The following ZNRF3 variants were observed in gnomAD, a reference collection of about 807,000 sequenced individuals.
ZNRF3 encodes zinc and ring finger 3.
A neutral mutation model predicts 72.5 loss-of-function variants in ZNRF3; 23 were observed. The ratio of observed to expected loss-of-function variants is 0.32; its 90% CI spans 0.23 to 0.45. ZNRF3 has a LOEUF of 0.45. ZNRF3 is among the 20% of genes least tolerant of loss of function. The pLI is 1.00. For missense variants in ZNRF3, 1,169 were observed against 1,272.1 expected (o/e 0.92, Z 1.23); for synonymous variants, 610 against 545.3 (o/e 1.12, Z -1.65).
rs567866119 is a variant in ZNRF3 at position 29,050,401 on chromosome 22, C to T, written c.2220C>T (p.Tyr740=). 9 of 1,605,918 alleles carry T rather than the reference C, an allele frequency of 5.6e-6. No homozygotes were observed. In the Admixed American group the frequency reaches 8.4e-5, roughly 15 times the overall value. ...SSTLFLGPHL[Y]EGSGPAGGEP... ...CCTTGTTCCTGGGGCCCCACCTCTA[C>T]GAGGGCTCTGGCCCGGCGGGTGGGG... Residue 740 remains tyrosine (Y), a synonymous_variant, in exon 8 of 9, where the codon TAC becomes TAT. Transcript: ENST00000544604.
At chr22:28,982,421 G>C (rs1214084560) in intron 1 of ZNRF3, among the ~76,000 whole-genome samples, 1 of 118,052 alleles carries the variant, frequency 8.5e-6, no homozygotes, top group South Asian at 2.9e-4. Context: ...GACATTGTGA[G>C]ACCTGTCTCT....
Position 29,044,818 on chromosome 22 carries a change from T to G in ZNRF3, c.672T>G (p.Ala224=), listed in dbSNP as rs1414493657. Residue 224 remains alanine, a synonymous_variant, in exon 5 of 9, where the codon GCT becomes GCG. Transcript: ENST00000544604. The part of the protein sequence containing the change: ...TEYFDMGIFL[A]FFVVVSLVCL... ...ACTTTGACATGGGGATTTTCCTGGC[T>G]TTCTTCGTCGTGGTCTCCTTGGTCT... The G allele has an allele frequency of 6.2e-7, 1 of 1,614,186 alleles. No homozygotes were observed. Among genetic ancestry groups the G allele is most frequent in the Non-Finnish European group, 8.5e-7 (1 of 1,180,030 alleles).
intron 2 of ZNRF3, among the ~76,000 whole-genome samples, chr22:29,035,840 A>G (rs2036856872): frequency 6.6e-6 from 1 of 152,146 alleles, no homozygotes; most frequent in South Asian, 2.1e-4. Flanking sequence ...TTGGCCTCCC[A>G]AAGTGCTCGG....
chr22:29,034,220 T>G (rs2036820642), intron 2 of ZNRF3, among the ~76,000 whole-genome samples: 1 of 152,240 alleles, frequency 6.6e-6, no homozygotes, highest in South Asian at 2.1e-4. Context: ...GGATTGTGTC[T>G]TCCTTGGGAT....
chr22:29,016,058 G>C lies in ZNRF3; in HGVS notation c.427-26437G>C, dbSNP rs2036430257. Among the ~76,000 whole-genome samples, 3 of 150,622 alleles carry C rather than the reference G, an allele frequency of 2.0e-5. No individual in the cohort carries two copies. The South Asian group carries it at 6.3e-4, about 32-fold the overall frequency. On this transcript the variant is annotated intron_variant, in intron 2 of 8. Transcript: ENST00000544604. Reference sequence around the variant, plus strand: ...AAAAACTGAAACTGGCTTGGCTGATGAAAGTTGTATCTTATACTGTGAACT... The same window carrying C: ...AAAAACTGAAACTGGCTTGGCTGATCAAAGTTGTATCTTATACTGTGAACT...
chr22:29,050,281 C>G lies in ZNRF3; in HGVS notation c.2100C>G (p.Thr700=). 2 of 1,597,782 alleles carry G rather than the reference C, an allele frequency of 1.3e-6. No homozygotes were observed. Among genetic ancestry groups the G allele is most frequent in the South Asian group, 1.1e-5 (1 of 90,976 alleles). The change falls in exon 8 of 9, where the codon ACC becomes ACG. Residue 700 remains threonine, a synonymous_variant. Transcript: ENST00000544604. ...GGGCCGCCCCTGACCTCAGGAGGAC[C>G]TGGAAGGGGGGCCACGAGTTGCCGT... The part of the protein sequence containing the change: ...SPGAAPDLRR[T]WKGGHELPSC...
At chr22:28,906,213 A>C (rs2034205105) in intron 1 of ZNRF3, among the ~76,000 whole-genome samples, 1 of 152,188 alleles carries the variant, frequency 6.6e-6, no homozygotes, top group African/African-American at 2.4e-5. Context: ...TGTAGTCCCA[A>C]CTACTCAGGA....
At chr22:28,903,045 G>A (rs2034137191) in intron 1 of ZNRF3, among the ~76,000 whole-genome samples, 1 of 152,074 alleles carries the variant, frequency 6.6e-6, no homozygotes, top group African/African-American at 2.4e-5. Context: ...CCCCTAGTGT[G>A]GGGGTCTGTG....
At chr22:29,046,237 G>T (rs1447703996) in intron 5 of ZNRF3, among the ~76,000 whole-genome samples, 2 of 152,218 alleles carry the variant, frequency 1.3e-5, no homozygotes, top group Non-Finnish European at 1.5e-5. Flanking sequence ...CTGTAGAGAA[G>T]AGAATCACCA....
intron 2 of ZNRF3, among the ~76,000 whole-genome samples, chr22:29,011,129 A>G (rs912763125): frequency 6.6e-6 from 1 of 151,880 alleles, no homozygotes; most frequent in Non-Finnish European, 1.5e-5. Context: ...ATATCTTCCT[A>G]CTCAGCCTTG....
At chr22:28,888,546 G>A (rs1342370463) in intron 1 of ZNRF3, among the ~76,000 whole-genome samples, 1 of 152,130 alleles carries the variant, frequency 6.6e-6, no homozygotes, top group Non-Finnish European at 1.5e-5. Flanking sequence ...TTTCTGTTTT[G>A]TTCCCTGAGA....
chr22:28,977,575 C>G (rs1475550921), intron 1 of ZNRF3, among the ~76,000 whole-genome samples: 1 of 152,096 alleles, frequency 6.6e-6, no homozygotes, highest in Admixed American at 6.6e-5. Context: ...ACAGCGACAC[C>G]CTACCCTGGC....
chr22:29,051,570 C>G (rs1418347569), intron 8 of ZNRF3, among the ~76,000 whole-genome samples: 1 of 147,954 alleles, frequency 6.8e-6, no homozygotes, highest in Non-Finnish European at 1.5e-5. Flanking sequence ...AGCTACTGCA[C>G]TCCAGCCTGG....
At chr22:29,040,763 G>C (rs1003917282) in intron 2 of ZNRF3, among the ~76,000 whole-genome samples, 1 of 152,204 alleles carries the variant, frequency 6.6e-6, no homozygotes, top group Non-Finnish European at 1.5e-5. Flanking sequence ...AACTGCCAAG[G>C]AACTTGCAGT....
chr22:29,044,825 G>T lies in ZNRF3; in HGVS notation c.679G>T (p.Val227Phe), dbSNP rs757477292. 9 of 1,613,932 alleles carry T rather than the reference G, an allele frequency of 5.6e-6. No homozygotes were observed. The Middle Eastern group carries it at 4.9e-4, about 88-fold the overall frequency. ...FDMGIFLAFFVVVSLVCLILL... is the reference protein window; with the variant it reads ...FDMGIFLAFFFVVSLVCLILL... ...CATGGGGATTTTCCTGGCTTTCTTCGTCGTGGTCTCCTTGGTCTGCCTCAT... is the reference window on the plus strand; with the variant it reads ...CATGGGGATTTTCCTGGCTTTCTTCTTCGTGGTCTCCTTGGTCTGCCTCAT... Residue 227 changes from valine to phenylalanine, a missense_variant, in exon 5 of 9, where the codon GTC (valine) becomes TTC (phenylalanine). Physicochemically the swap from Val to Phe is conservative, Grantham distance 50 (BLOSUM62 -1). Coordinates refer to ENST00000544604, the MANE Select transcript of ZNRF3 (RefSeq NM_001206998.2).
chr22:29,046,178 A>G (rs1047728304), intron 5 of ZNRF3, among the ~76,000 whole-genome samples: 1 of 152,144 alleles, frequency 6.6e-6, no homozygotes, highest in Non-Finnish European at 1.5e-5. Flanking sequence ...CCCCAAATGT[A>G]TGGCAGGGTC....
Position 28,883,621 on chromosome 22 carries a change from G to A in ZNRF3, c.-146G>A. Reference sequence around the variant, plus strand: ...GAAAGGGCCGCGGCGCGACGGCCGGGGGAGCCGAGCTGAGCCTGCGACCCA... The same window carrying A: ...GAAAGGGCCGCGGCGCGACGGCCGGAGGAGCCGAGCTGAGCCTGCGACCCA... On this transcript the variant is annotated 5_prime_UTR_variant, in exon 1 of 9. Coordinates refer to ENST00000544604, the MANE Select transcript of ZNRF3 (RefSeq NM_001206998.2). The surrounding 1 kb of genome is among the most constrained non-coding windows in gnomAD (Gnocchi z 5.5). The A allele has an allele frequency of 1.2e-6, 1 of 807,628 alleles. No individual in the cohort carries two copies. The highest frequency in any genetic ancestry group is 1.5e-6 in the Non-Finnish European group (1 of 667,390). The allele number at this position is 807,628 out of a possible 1,614,324, so 50.0% of individuals were successfully genotyped here. A position where few individuals can be genotyped will look rare whatever the true frequency, so the allele number is the denominator to read the frequency against.
intron 5 of ZNRF3, 151 bp from the exon 6 acceptor site, chr22:29,046,565 G>T: frequency 1.3e-6 from 1 of 775,972 alleles, no homozygotes; most frequent in East Asian, 2.9e-5. Flanking sequence ...ATGTGCTATG[G>T]CAGTCTGAGT....
intron 2 of ZNRF3, 58 bp downstream of exon 2, chr22:28,987,259 T>C (rs2035871189): frequency 6.4e-7 from 1 of 1,567,904 alleles, no homozygotes; most frequent in African/African-American, 1.4e-5. Flanking sequence ...CACTCTTCCA[T>C]TTCAGCATTC....
Sources: gnomAD v4.1 joint callset for allele counts (sites outside exome capture counted in the v4.1 genomes callset) on GRCh38, gnomAD v4.1.1 for gene constraint, Gnocchi (gnomAD v3.1) non-coding constraint, MANE v1.5 for transcripts, NCBI Gene and HGNC (gene_info 2026-07-23, HGNC 2026-07-21) for gene names.